BICRAL: variants seen among roughly 807,000 people sequenced by gnomAD.
BICRAL encodes BRD4-interacting chromatin-remodeling complex-associated protein-like.
A neutral mutation model predicts 91.8 loss-of-function variants in BICRAL; 8 were observed. That is an observed-to-expected ratio of 0.09 (90% confidence interval 0.05 to 0.16). The LOEUF (loss-of-function observed/expected upper bound fraction) is 0.16. Among genes scored for constraint, BICRAL ranks in the 10% least tolerant of loss-of-function variants. The probability of loss-of-function intolerance (pLI) is 1.00; values close to 1 mark genes in which losing one functional copy is unlikely to be tolerated. For synonymous variants in BICRAL, 445 were observed against 491.1 expected (o/e 0.91, Z 1.24); for missense variants, 1,038 against 1,310.9 (o/e 0.79, Z 3.21).
At chr6:42,861,128 A>G (rs1219947207) in intron 11 of BICRAL, among the ~76,000 whole-genome samples, 2 of 152,150 alleles carry the variant, frequency 1.3e-5, no homozygotes, top group East Asian at 1.9e-4. Context: ...CTCTGTCTCA[A>G]TAAAATAATA....
At chr6:42,818,989 G>A (rs986749609) in intron 2 of BICRAL, among the ~76,000 whole-genome samples, 2 of 152,102 alleles carry the variant, frequency 1.3e-5, no homozygotes, top group African/African-American at 4.8e-5. Context: ...TTCCCTCCAC[G>A]ACAAATCCCA....
At chr6:42,789,334 AT>A (rs1763199911) in intron 1 of BICRAL, among the ~76,000 whole-genome samples, 1 of 152,180 alleles carries the variant, frequency 6.6e-6, no homozygotes, top group Non-Finnish European at 1.5e-5. Flanking sequence ...TCTTACATAT[AT>A]TTTACCATAG....
chr6:42,847,901 G>A (rs1250865472), intron 6 of BICRAL, among the ~76,000 whole-genome samples: 4 of 151,850 alleles, frequency 2.6e-5, no homozygotes, highest in Non-Finnish European at 4.4e-5. Flanking sequence ...AGGCCGAGGC[G>A]GGCGGATCAT....
chr6:42,809,834 T>C (rs755955752), intron 1 of BICRAL, among the ~76,000 whole-genome samples: 2 of 152,124 alleles, frequency 1.3e-5, no homozygotes, highest in Non-Finnish European at 2.9e-5. Context: ...TCACCCAGGC[T>C]GGAGTGCAGT....
chr6:42,769,142 A>C (rs1762682964), intron 1 of BICRAL, among the ~76,000 whole-genome samples: 1 of 152,204 alleles, frequency 6.6e-6, no homozygotes, highest in African/African-American at 2.4e-5. Flanking sequence ...TTTTTGTCTC[A>C]GGGTCTCTCA....
chr6:42,860,615 G>A (rs1156525167), intron 11 of BICRAL, among the ~76,000 whole-genome samples: 1 of 152,212 alleles, frequency 6.6e-6, no homozygotes, highest in African/African-American at 2.4e-5. Context: ...CTCGAGAACA[G>A]ATGGCTAAGA....
chr6:42,855,656 A>G (rs1009862807), intron 8 of BICRAL, among the ~76,000 whole-genome samples, 200 bp from the exon 9 acceptor site: 2 of 152,054 alleles, frequency 1.3e-5, no homozygotes, highest in Non-Finnish European at 2.9e-5. Context: ...ACCTTTCTGT[A>G]ATCTTAACAC....
intron 6 of BICRAL, among the ~76,000 whole-genome samples, chr6:42,839,440 G>A (rs1158085404): frequency 6.6e-6 from 1 of 151,856 alleles, no homozygotes; most frequent in Admixed American, 6.6e-5. Flanking sequence ...TACCAGGCCC[G>A]GCCCAGGATT....
intron 1 of BICRAL, among the ~76,000 whole-genome samples, chr6:42,763,124 G>A (rs540657782): frequency 6.6e-5 from 10 of 152,268 alleles, no homozygotes; most frequent in African/African-American, 2.4e-4. Context: ...TTCAAGAAAA[G>A]ATAACCCAAT....
intron 1 of BICRAL, among the ~76,000 whole-genome samples, chr6:42,767,411 A>G (rs1224737319): frequency 6.6e-6 from 1 of 152,182 alleles, no homozygotes; most frequent in Non-Finnish European, 1.5e-5. Flanking sequence ...GGATGCCACC[A>G]TGAGTCTAAC....
chr6:42,856,674 A>G (rs1765367919), intron 9 of BICRAL, among the ~76,000 whole-genome samples: 1 of 152,100 alleles, frequency 6.6e-6, no homozygotes, highest in Non-Finnish European at 1.5e-5. Context: ...TTTCAAATAT[A>G]TTGAATGTAG....
At chr6:42,823,251 G>C (rs1013496060) in intron 5 of BICRAL, among the ~76,000 whole-genome samples, 1 of 151,996 alleles carries the variant, frequency 6.6e-6, no homozygotes, top group South Asian at 2.1e-4. Context: ...TCAGCCTCCC[G>C]AATAGCTGGG....
At chr6:42,782,922 A>C (rs1271604392) in intron 1 of BICRAL, among the ~76,000 whole-genome samples, 2 of 134,960 alleles carry the variant, frequency 1.5e-5, no homozygotes, top group Non-Finnish European at 3.1e-5. Flanking sequence ...CGGAAGCTCT[A>C]GGGTGTGAAT....
chr6:42,867,996 A>G lies in BICRAL; in HGVS notation c.*2550A>G, dbSNP rs1235158995. 2 of 152,604 alleles carry G rather than the reference A, an allele frequency of 1.3e-5. No individual in the cohort carries two copies. The highest frequency in any genetic ancestry group is 2.4e-5 in the African/African-American group (1 of 41,448). The allele number at this position is 152,604 out of a possible 1,614,324, so 9.5% of individuals were successfully genotyped here. A position where few individuals can be genotyped will look rare whatever the true frequency, so the allele number is the denominator to read the frequency against. Reference sequence around the variant, plus strand: ...AGGAGAGCTCAGCCTCGGATGGCCAACATTCAGTTGTTCAGGTTCATTCGT... The same window carrying G: ...AGGAGAGCTCAGCCTCGGATGGCCAGCATTCAGTTGTTCAGGTTCATTCGT... On this transcript the variant is annotated 3_prime_UTR_variant, in exon 13 of 13. Coordinates refer to ENST00000314073, the MANE Select transcript of BICRAL (RefSeq NM_001393499.1).
upstream of BICRAL, among the ~76,000 whole-genome samples, chr6:42,777,991 T>C (rs1762828239): frequency 6.6e-6 from 1 of 152,242 alleles, no homozygotes; most frequent in Non-Finnish European, 1.5e-5. Context: ...ACTATAATTT[T>C]AAATTTTAAT....
At chr6:42,821,683 A>G (rs1345199627) in intron 2 of BICRAL, among the ~76,000 whole-genome samples, 1 of 152,184 alleles carries the variant, frequency 6.6e-6, no homozygotes, top group African/African-American at 2.4e-5. Context: ...CCCCTTGTTT[A>G]TTGTACATTT....
intron 1 of BICRAL, among the ~76,000 whole-genome samples, chr6:42,754,338 A>T (rs1395924102): frequency 6.6e-6 from 1 of 151,386 alleles, no homozygotes; most frequent in East Asian, 2.0e-4. Context: ...CGCCTGGCTA[A>T]TTTTTTTGTA....
intron 6 of BICRAL, among the ~76,000 whole-genome samples, chr6:42,836,197 T>TA (rs1764633391): frequency 1.3e-5 from 2 of 152,208 alleles, no homozygotes; most frequent in East Asian, 3.8e-4. Flanking sequence ...TATGTATGTA[T>TA]TGATCAGCTT....
chr6:42,829,928 C>G lies in BICRAL; in HGVS notation c.1595C>G (p.Thr532Arg), dbSNP rs775970222. The G allele has an allele frequency of 1.9e-6, 3 of 1,614,234 alleles. No individual in the cohort carries two copies. Among genetic ancestry groups the G allele is most frequent in the East Asian group, 2.2e-5 (1 of 44,882 alleles). Residue 532 changes from threonine to arginine, a missense_variant, in exon 6 of 13, where the codon ACA becomes AGA. Thr to Arg is a moderately conservative substitution (Grantham distance 71). Transcript: ENST00000314073. Reference protein sequence around the residue: ...RPGFATMPSVTSMSGPSRFPA... With the variant: ...RPGFATMPSVRSMSGPSRFPA... ...GGCTTCGCCACCATGCCATCGGTGA[C>G]AAGCATGTCAGGACCTAGTCGGTTC...
Sources: gnomAD v4.1 joint callset for allele counts (sites outside exome capture counted in the v4.1 genomes callset) on GRCh38, gnomAD v4.1.1 for gene constraint, MANE v1.5 for transcripts, NCBI Gene and HGNC (gene_info 2026-07-23, HGNC 2026-07-21) for gene names.